Variants in MYLK observed in about 807,000 individuals in gnomAD.
MYLK encodes myosin light chain kinase, smooth muscle.
A neutral mutation model predicts 203.4 loss-of-function variants in MYLK; 106 were observed. The observed-to-expected ratio is 0.52, with a 90% CI of 0.45 to 0.61. MYLK has a LOEUF of 0.61. Among genes scored for constraint, MYLK ranks in the 20% least tolerant of loss-of-function variants. MYLK has a pLI of 0.00. For missense variants in MYLK, 2,072 were observed against 2,442.3 expected, an observed-to-expected ratio of 0.85 and a Z score of 3.20; for synonymous variants, 867 against 959.5, an observed-to-expected ratio of 0.90 and a Z score of 1.78.
intron 2 of MYLK, among the ~76,000 whole-genome samples, chr3:123,862,237 G>A (rs1458832516): frequency 6.6e-6 from 1 of 152,198 alleles, no homozygotes; most frequent in African/African-American, 2.4e-5. Context: ...AATTTAAACT[G>A]GAGAATCCTG....
At position 123,640,324 on chromosome 3, in the gene MYLK, C is replaced by A. The variant is rs111901174; in HGVS notation, c.4800G>T (p.Arg1600Ser). 2 of 1,614,038 alleles carry A rather than the reference C, an allele frequency of 1.2e-6. No homozygotes were observed. Among genetic ancestry groups the A allele is most frequent in the Admixed American group, 3.3e-5 (2 of 60,026 alleles). Reference sequence around the variant, plus strand: ...CCAGACCAAAGTCGATGAGCTTGATCCTGGTGCCCGTCTTGTTGACACACA... The same window carrying A: ...CCAGACCAAAGTCGATGAGCTTGATACTGGTGCCCGTCTTGTTGACACACA... ...NIMCVNKTGT[R>S]IKLIDFGLAR... Residue 1600 changes from arginine (R) to serine (S), a missense_variant, in exon 28 of 34, where the codon AGG (arginine) becomes AGT (serine). Arg to Ser is a moderately radical substitution (Grantham distance 110, BLOSUM62 -1). Coordinates refer to ENST00000360304, the MANE Select transcript of MYLK (RefSeq NM_053025.4). The surrounding 1 kb of genome is among the most constrained non-coding windows in gnomAD (Gnocchi z 4.3).
Position 123,708,083 on chromosome 3 carries a change from G to T in MYLK, c.2141-80C>A, listed in dbSNP as rs2061532888. 3 of 1,584,740 alleles carry T rather than the reference G, an allele frequency of 1.9e-6. No homozygotes were observed. The South Asian group carries it at 3.4e-5, about 18-fold the overall frequency. On this transcript the variant is annotated intron_variant, in intron 15 of 33. Coordinates refer to ENST00000360304, the MANE Select transcript of MYLK (RefSeq NM_053025.4). ...CCACTCAATTCTCCATGGAGGTGAA[G>T]GATGGGAAGATAGCATGTCACCCAA...
chr3:123,726,149 G>A, intron 11 of MYLK, 71 bp from the exon 12 acceptor site: 1 of 1,599,012 alleles, frequency 6.3e-7, no homozygotes. Context: ...AGTCACCCCA[G>A]CCTCCCAGGC....
At chr3:123,742,293 ATT>A (rs1349535867) in intron 5 of MYLK, among the ~76,000 whole-genome samples, 1 of 152,204 alleles carries the variant, frequency 6.6e-6, no homozygotes, top group Non-Finnish European at 1.5e-5. Flanking sequence ...GTATTTAAAT[ATT>A]TGTTAAATAC....
Position 123,722,314 on chromosome 3 carries a change from C to G in MYLK, c.1652-34G>C, listed in dbSNP as rs376397041. ...GAAGCACAGGAAGGCTCAGGCCAGGCAGCACTGGCAGTAGGGACGGGAGCC... is the reference window on the plus strand; with the variant it reads ...GAAGCACAGGAAGGCTCAGGCCAGGGAGCACTGGCAGTAGGGACGGGAGCC... On this transcript the variant is annotated intron_variant, in intron 12 of 33. Transcript: ENST00000360304. The G allele has an allele frequency of 7.7e-4, 1,190 of 1,553,576 alleles. 16 individuals carry two copies. The South Asian group carries it at 8.9e-3, about 12-fold the overall frequency.
chr3:123,757,548 G>A (rs2063396292), intron 4 of MYLK, among the ~76,000 whole-genome samples: 1 of 152,188 alleles, frequency 6.6e-6, no homozygotes. Context: ...AGGAGAGAAA[G>A]CAGGATTGAG....
intron 2 of MYLK, among the ~76,000 whole-genome samples, chr3:123,835,621 T>C (rs1249850031): frequency 6.6e-6 from 1 of 152,088 alleles, no homozygotes; most frequent in Non-Finnish European, 1.5e-5. Flanking sequence ...CAGAAAACAA[T>C]ACCCCAAAAT....
intron 23 of MYLK, among the ~76,000 whole-genome samples, chr3:123,658,718 C>T (rs6769386): frequency 0.031 from 4,790 of 152,226 alleles, 226 homozygotes; most frequent in African/African-American, 0.1. Flanking sequence ...AGTACTTGAC[C>T]GCTACTCTCC....
rs750867972 is a variant in MYLK, at chr3:123,793,715, A to G, written c.127T>C (p.Cys43Arg). 4 of 1,614,136 alleles carry G rather than the reference A, an allele frequency of 2.5e-6. No individual in the cohort carries two copies. The highest frequency in any genetic ancestry group is 3.4e-6 in the Non-Finnish European group (4 of 1,180,026). The change falls in exon 4 of 34, where the codon TGC becomes CGC. Residue 43 changes from cysteine (C) to arginine (R), a missense_variant. By Grantham distance (180) the Cys-to-Arg change is radical. Around this residue, in one of 3 missense-constraint regions of MYLK, gnomAD observed 683 missense variants for 643.8 expected, o/e 1.06. Coordinates refer to ENST00000360304, the MANE Select transcript of MYLK (RefSeq NM_053025.4). Reference sequence around the variant, plus strand: ...TTGGCGGTGGCTCCTTCTTTGATGCAGAGGTTCCGAGGGGGCAAAATGAAA... The same window carrying G: ...TTGGCGGTGGCTCCTTCTTTGATGCGGAGGTTCCGAGGGGGCAAAATGAAA... ...PAFILPPRNLCIKEGATAKFE... is the reference protein window; with the variant it reads ...PAFILPPRNLRIKEGATAKFE...
chr3:123,868,083 A>G (rs1235248401), intron 2 of MYLK, among the ~76,000 whole-genome samples: 5 of 152,198 alleles, frequency 3.3e-5, no homozygotes, highest in Non-Finnish European at 7.3e-5. Flanking sequence ...AAAGGTGATA[A>G]TTATAATCCT....
In MYLK at chr3:123,664,162, G is replaced by A. The variant is rs756543854; in HGVS notation, c.3928C>T (p.Leu1310=). Residue 1310 remains leucine, a synonymous_variant, in exon 23 of 34, where the codon CTG becomes TTG. Coordinates refer to ENST00000360304, the MANE Select transcript of MYLK (RefSeq NM_053025.4). The stretch of plus-strand genomic sequence containing the variant: ...CTGCCCAGCTTGTTCTCCACCAGCA[G>A]TGTGTAGCAGCCGCAGTGCTCCTGG... The part of the protein sequence containing the change: ...ARQEHCGCYT[L]LVENKLGSRQ... 1.2e-6 allele frequency: 2 copies of A among 1,614,146 alleles called. No homozygotes were observed. The highest frequency in any genetic ancestry group is 2.2e-5 in the South Asian group (2 of 91,086).
chr3:123,648,742 C>T lies in MYLK; in HGVS notation c.4415+229G>A, dbSNP rs1184788551. 6.6e-6 allele frequency among the ~76,000 whole-genome samples: 1 copy of T among 152,118 alleles called. No individual in the cohort carries two copies. Among genetic ancestry groups the T allele is most frequent in the Non-Finnish European group, 1.5e-5 (1 of 68,018 alleles). The stretch of plus-strand genomic sequence containing the variant: ...GCACAGAAAAGGAAGGACTTGCCCA[C>T]AGCCTTTGCAGAGTTGGGGCAGTGT... On this transcript the variant is annotated intron_variant, in intron 26 of 33. Transcript: ENST00000360304. This position sits in a 1 kb window ranked among gnomAD's most constrained non-coding sequence, Gnocchi z 4.5.
At chr3:123,837,196 C>A (rs879661107) in intron 2 of MYLK, among the ~76,000 whole-genome samples, 7 of 152,048 alleles carry the variant, frequency 4.6e-5, no homozygotes, top group Admixed American at 3.9e-4. Context: ...CCATGCCTGG[C>A]TAATTTTGCA....
chr3:123,831,316 C>T (rs1382728851), intron 3 of MYLK: 4 of 1,218,560 alleles, frequency 3.3e-6, no homozygotes, highest in Non-Finnish European at 4.3e-6. Context: ...TGATTTCCAC[C>T]ACCTTCGCCA....
At chr3:123,811,433 A>T (rs941733142) in intron 3 of MYLK, among the ~76,000 whole-genome samples, 1 of 152,146 alleles carries the variant, frequency 6.6e-6, no homozygotes, top group Non-Finnish European at 1.5e-5. Flanking sequence ...TGGAGAAAAC[A>T]GATTATCAAA....
At chr3:123,706,614 T>C (rs1459585204) in intron 16 of MYLK, among the ~76,000 whole-genome samples, 1 of 152,128 alleles carries the variant, frequency 6.6e-6, no homozygotes, top group Non-Finnish European at 1.5e-5. Context: ...AGGGCTGGCA[T>C]AGGATTTTAA....
Position 123,692,782 on chromosome 3 carries a change from T to G in MYLK, c.3518A>C (p.Lys1173Thr). The stretch of plus-strand genomic sequence containing the variant: ...GCACTCCGCCTGGCCAGCGTCATTC[T>G]TGGCTACACACTTGTATAAGCCTCT... ...EDRGLYKCVA[K>T]NDAGQAECSC... The change falls in exon 19 of 34, where the codon AAG (lysine) becomes ACG (threonine). Residue 1173 changes from lysine to threonine, a missense_variant. By Grantham distance (78) the Lys-to-Thr change is moderately conservative. Around this residue, in one of 3 missense-constraint regions of MYLK, gnomAD observed 865 missense variants for 1,016.0 expected, o/e 0.85. Coordinates refer to ENST00000360304, the MANE Select transcript of MYLK (RefSeq NM_053025.4). The G allele has an allele frequency of 6.2e-7, 1 of 1,614,100 alleles. No homozygotes were observed. The highest frequency in any genetic ancestry group is 8.5e-7 in the Non-Finnish European group (1 of 1,180,032).
chr3:123,857,711 T>G (rs1043648658), intron 2 of MYLK, among the ~76,000 whole-genome samples: 1 of 151,344 alleles, frequency 6.6e-6, no homozygotes, highest in Non-Finnish European at 1.5e-5. Flanking sequence ...GACGAGTTAG[T>G]GGGTGCAGTG....
rs1024710257 is a variant in MYLK at position 123,713,230 on chromosome 3, G to A, written c.1805-3337C>T. Among the ~76,000 whole-genome samples, 24 of 152,308 alleles carry A rather than the reference G, an allele frequency of 1.6e-4. 1 individual carries two copies. Among genetic ancestry groups the A allele is most frequent in the African/African-American group, 5.8e-4 (24 of 41,562 alleles). On this transcript the variant is annotated intron_variant, in intron 13 of 33. Coordinates refer to ENST00000360304, the MANE Select transcript of MYLK (RefSeq NM_053025.4). ...GAAGGGAAGATGGAAATGATTGGGAGTGAATGTTCAGAACGAGCCTGTTCT... is the reference window on the plus strand; with the variant it reads ...GAAGGGAAGATGGAAATGATTGGGAATGAATGTTCAGAACGAGCCTGTTCT...
Sources: allele counts gnomAD v4.1 joint callset (sites outside exome capture counted in the v4.1 genomes callset), GRCh38; gene constraint gnomAD v4.1.1; regional missense constraint gnomAD v4.1.1; non-coding constraint Gnocchi (gnomAD v3.1); transcripts MANE v1.5; gene names NCBI Gene and HGNC (gene_info 2026-07-23, HGNC 2026-07-21).